The following NCAM1 variants were observed in gnomAD, a reference collection of about 807,000 sequenced individuals.
The protein encoded by NCAM1 is neural cell adhesion molecule 1.
NCAM1 carries 14 observed loss-of-function variants against 109.8 expected under a neutral mutation model. The ratio of observed to expected loss-of-function variants is 0.13; its 90% CI spans 0.08 to 0.20. NCAM1 has a LOEUF of 0.20. Ranked by LOEUF, NCAM1 falls within the 10% of genes least tolerant of loss-of-function variation. The pLI, the probability that NCAM1 is intolerant of heterozygous loss-of-function variation, is 1.00. For missense variants in NCAM1, 774 were observed against 1,109.9 expected, an observed-to-expected ratio of 0.70 and a Z score of 4.30; for synonymous variants, 418 against 442.9, an observed-to-expected ratio of 0.94 and a Z score of 0.70.
intron 1 of NCAM1, among the ~76,000 whole-genome samples, chr11:113,186,957 C>T (rs1451125742): frequency 2.0e-5 from 3 of 152,230 alleles, no homozygotes; most frequent in Non-Finnish European, 4.4e-5. Flanking sequence ...CTAATGTGTC[C>T]TCCAGTTAGT....
intron 17 of NCAM1, among the ~76,000 whole-genome samples, chr11:113,267,306 T>C (rs1420628453): frequency 6.6e-6 from 1 of 152,212 alleles, no homozygotes; most frequent in African/African-American, 2.4e-5. Context: ...GCAGGGTACC[T>C]GCTGGGATGT....
chr11:113,073,575 A>G (rs569310220), intron 1 of NCAM1, among the ~76,000 whole-genome samples: 1 of 152,226 alleles, frequency 6.6e-6, no homozygotes, highest in East Asian at 1.9e-4. Flanking sequence ...TCAATTTTTT[A>G]CTTATAAGGT....
At chr11:112,991,579 A>G (rs1951458687) in intron 1 of NCAM1, among the ~76,000 whole-genome samples, 1 of 152,184 alleles carries the variant, frequency 6.6e-6, no homozygotes, top group Admixed American at 6.5e-5. Flanking sequence ...CTTTACATGA[A>G]GAAGTGAAGT....
intron 1 of NCAM1, among the ~76,000 whole-genome samples, chr11:113,077,760 C>T (rs555277825): frequency 1.3e-4 from 20 of 151,694 alleles, no homozygotes; most frequent in African/African-American, 4.4e-4. Flanking sequence ...GATCTCGGCT[C>T]GCTGTAACCT....
chr11:113,077,406 A>G (rs1296354027), intron 1 of NCAM1, among the ~76,000 whole-genome samples: 2 of 152,210 alleles, frequency 1.3e-5, no homozygotes, highest in Non-Finnish European at 2.9e-5. Context: ...TCCTAGGCAC[A>G]CTGCAAGTGT....
chr11:112,964,670 T>A (rs1345463471), intron 1 of NCAM1, among the ~76,000 whole-genome samples: 1 of 152,264 alleles, frequency 6.6e-6, no homozygotes, highest in East Asian at 1.9e-4. Flanking sequence ...TGATTTTCAT[T>A]TGAAGACTGA....
chr11:113,121,704 G>A (rs1478819260), intron 1 of NCAM1, among the ~76,000 whole-genome samples: 2 of 152,100 alleles, frequency 1.3e-5, no homozygotes, highest in Non-Finnish European at 2.9e-5. Flanking sequence ...GACTTCATGA[G>A]TTTCAAGATC....
At chr11:113,010,225 T>G (rs1555074134) in intron 1 of NCAM1, among the ~76,000 whole-genome samples, 1 of 152,232 alleles carries the variant, frequency 6.6e-6, no homozygotes, top group Non-Finnish European at 1.5e-5. Flanking sequence ...GCAGACCCTT[T>G]TTATATATTT....
chr11:113,108,159 T>A (rs1013136932), intron 1 of NCAM1, among the ~76,000 whole-genome samples: 19 of 152,212 alleles, frequency 1.2e-4, no homozygotes, highest in Non-Finnish European at 2.5e-4. Context: ...GAATTTTTTT[T>A]ATGGACCCTA....
chr11:113,178,953 T>C (rs767744658), intron 1 of NCAM1, among the ~76,000 whole-genome samples: 1 of 152,206 alleles, frequency 6.6e-6, no homozygotes, highest in African/African-American at 2.4e-5. Context: ...AGCCCAGGAC[T>C]AGGACTTGAA....
chr11:113,259,286 C>T (rs1945917397), intron 16 of NCAM1, among the ~76,000 whole-genome samples: 2 of 151,838 alleles, frequency 1.3e-5, no homozygotes, highest in South Asian at 2.1e-4. Flanking sequence ...CTCCTGACCT[C>T]GTGATCCGCC....
In NCAM1 at chr11:113,276,536, AAC is replaced by A. The variant is rs1384342160; in HGVS notation, c.*1155_*1156del. 1.4e-4 allele frequency: 22 copies of A among 152,610 alleles called. No homozygotes were observed. The highest frequency in any genetic ancestry group is 2.9e-5 in the Non-Finnish European group (2 of 68,040). The allele number at this position is 152,610 out of a possible 1,614,324, so 9.5% of individuals were successfully genotyped here. A position where few individuals can be genotyped will look rare whatever the true frequency, so the allele number is the denominator to read the frequency against. ...TGTATAGTTGGGGCTGGTCTTGGTG[AAC>A]ACACATTATTACCCCACACATCCCC... is the stretch of plus-strand genomic sequence containing the variant. On this transcript the variant is annotated 3_prime_UTR_variant, in exon 20 of 20. Coordinates refer to ENST00000316851, the MANE Select transcript of NCAM1 (RefSeq NM_181351.5).
Position 113,060,852 on chromosome 11 carries a change from G to A in NCAM1, c.52+99188G>A, listed in dbSNP as rs1223765478. Among the ~76,000 whole-genome samples, 8 of 152,186 alleles carry A rather than the reference G, an allele frequency of 5.3e-5. No individual in the cohort carries two copies. The East Asian group carries it at 1.5e-3, about 29-fold the overall frequency. On this transcript the variant is annotated intron_variant, in intron 1 of 19. Transcript: ENST00000316851. The stretch of plus-strand genomic sequence containing the variant: ...ACTCTGAATTTTTTCTAGAACCATG[G>A]AAGGGTTTACAAGATAGCGATCAAG...
intron 7 of NCAM1, among the ~76,000 whole-genome samples, chr11:113,209,577 A>G (rs1384331270): frequency 2.0e-5 from 3 of 152,224 alleles, no homozygotes; most frequent in African/African-American, 7.2e-5. Flanking sequence ...AGAGATGAAT[A>G]GGATATGATC....
At chr11:113,108,172 G>A (rs1196013739) in intron 1 of NCAM1, among the ~76,000 whole-genome samples, 1 of 152,094 alleles carries the variant, frequency 6.6e-6, no homozygotes, top group African/African-American at 2.4e-5. Context: ...GGACCCTAGT[G>A]TATGCATAAC....
chr11:113,135,175 A>G (rs561457179), intron 1 of NCAM1, among the ~76,000 whole-genome samples: 87 of 152,282 alleles, frequency 5.7e-4, no homozygotes, highest in African/African-American at 1.9e-3. Context: ...GTGGCAACCC[A>G]TGTGCCTTCA....
chr11:112,981,006 T>C (rs1445575536), intron 1 of NCAM1, among the ~76,000 whole-genome samples: 1 of 151,840 alleles, frequency 6.6e-6, no homozygotes, highest in Non-Finnish European at 1.5e-5. Context: ...TTATGTATTT[T>C]GACTGGGGAA....
intron 1 of NCAM1, among the ~76,000 whole-genome samples, chr11:113,115,754 A>G (rs1490914078): frequency 1.3e-5 from 2 of 152,226 alleles, no homozygotes; most frequent in Non-Finnish European, 2.9e-5. Context: ...TAGTCGAGAA[A>G]CAGTTTTTGT....
chr11:113,273,575 C>T lies in NCAM1; in HGVS notation c.2457-1692C>T, dbSNP rs1339914408. The T allele has an allele frequency of 4.8e-6, 2 of 418,388 alleles. No homozygotes were observed. The highest frequency in any genetic ancestry group is 9.8e-6 in the Non-Finnish European group (2 of 203,134). 25.9% of individuals were successfully genotyped at this position (418,388 alleles called of 1,614,324 possible). On this transcript the variant is annotated intron_variant, in intron 19 of 19. Transcript: ENST00000316851. The surrounding 1 kb of genome is among the most constrained non-coding windows in gnomAD (Gnocchi z 6.0). ...TCAGCACCACAAACCCTTCCCAGGGCGAGGACTTTAAAATGGACGAAGGGA... is the reference window on the plus strand; with the variant it reads ...TCAGCACCACAAACCCTTCCCAGGGTGAGGACTTTAAAATGGACGAAGGGA...
Sources: allele counts gnomAD v4.1 joint callset (sites outside exome capture counted in the v4.1 genomes callset), GRCh38; gene constraint gnomAD v4.1.1; non-coding constraint Gnocchi (gnomAD v3.1); transcripts MANE v1.5; gene names NCBI Gene and HGNC (gene_info 2026-07-23, HGNC 2026-07-21).